The following ORC3 variants were observed in gnomAD, a reference collection of about 807,000 sequenced individuals.
ORC3 encodes origin recognition complex subunit 3.
ORC3 carries 78 observed loss-of-function variants against 100.7 expected under a neutral mutation model. The ratio of observed to expected loss-of-function variants is 0.77; its 90% CI spans 0.65 to 0.94. The LOEUF (loss-of-function observed/expected upper bound fraction) is 0.94, where lower values mean the gene tolerates loss of function less well. Among genes scored for constraint, ORC3 ranks in the 40% least tolerant of loss-of-function variants. The probability of loss-of-function intolerance (pLI) is 0.00; values close to 1 mark genes in which losing one functional copy is unlikely to be tolerated. For synonymous variants in ORC3, 295 were observed against 289.3 expected, an observed-to-expected ratio of 1.02 and a Z score of -0.20; for missense variants, 789 against 823.9, an observed-to-expected ratio of 0.96 and a Z score of 0.52.
rs1186639869 is a variant in ORC3 at position 87,600,732 on chromosome 6, T to C, written c.80-1052T>C. ...AGCGGGAGAAGGATGGATTGTACAA[T>C]AAAGGAGGGTTTTTCAAACCAAATG... On this transcript the variant is annotated intron_variant, in intron 2 of 19. Transcript: ENST00000392844. Among the ~76,000 whole-genome samples, 9 of 152,158 alleles carry C rather than the reference T, an allele frequency of 5.9e-5. No homozygotes were observed. The East Asian group carries it at 1.5e-3, about 26-fold the overall frequency.
At chr6:87,599,224 A>G (rs1322114207) in intron 2 of ORC3, among the ~76,000 whole-genome samples, 3 of 152,118 alleles carry the variant, frequency 2.0e-5, no homozygotes, top group African/African-American at 7.2e-5. Flanking sequence ...ATGCGGCATT[A>G]TTCTGCACAT....
intron 9 of ORC3, among the ~76,000 whole-genome samples, chr6:87,617,163 A>G (rs1311389820): frequency 6.6e-6 from 1 of 151,964 alleles, no homozygotes; most frequent in Non-Finnish European, 1.5e-5. Flanking sequence ...TTCTTTAATA[A>G]TCCTTTAAAG....
chr6:87,602,906 TA>T (rs1232989521), intron 3 of ORC3, among the ~76,000 whole-genome samples: 2 of 49,060 alleles, frequency 4.1e-5, no homozygotes, highest in African/African-American at 2.5e-4. Context: ...ATATATATAT[TA>T]TATATTATAT....
Position 87,603,478 on chromosome 6 carries a change from TG to T in ORC3, c.275del (p.Gly92AlafsTer4). 1 of 1,532,432 alleles carries T rather than the reference TG, an allele frequency of 6.5e-7. No individual in the cohort carries two copies. Among genetic ancestry groups the T allele is most frequent in the Non-Finnish European group, 8.9e-7 (1 of 1,122,888 alleles). The allele number at this position is 1,532,432 out of a possible 1,614,324, so 94.9% of individuals were successfully genotyped here. A position where few individuals can be genotyped will look rare whatever the true frequency, so the allele number is the denominator to read the frequency against. On this transcript the variant is annotated frameshift_variant, in exon 4 of 20. Coordinates refer to ENST00000392844, the MANE Select transcript of ORC3 (RefSeq NM_012381.4). LOFTEE classifies it high-confidence loss of function. Reference protein sequence around the residue: ...HSGFQKNSRDLGGQIKLREIP... With the variant: ...HSGFQKNSRDXGGQIKLREIP... The stretch of plus-strand genomic sequence containing the variant: ...GGATTCCAGAAGAATTCAAGAGACT[TG>T]GGCGGTCAAATAAAACTCAGAGAAA...
intron 16 of ORC3, among the ~76,000 whole-genome samples, chr6:87,659,026 G>A (rs893488369): frequency 7.1e-5 from 10 of 141,502 alleles, no homozygotes; most frequent in South Asian, 7.0e-4. Flanking sequence ...GTGGGGCGGG[G>A]GGGGGAGAAC....
chr6:87,666,344 C>A (rs6910592), intron 19 of ORC3, among the ~76,000 whole-genome samples: 2,181 of 151,270 alleles, frequency 0.014, 41 homozygotes, highest in African/African-American at 0.042. Flanking sequence ...GTTGGCCAGG[C>A]TGGTCTCGAA....
intron 13 of ORC3, chr6:87,650,940 G>A (rs1769210468): frequency 6.2e-6 from 2 of 324,278 alleles, no homozygotes. Flanking sequence ...CTGGGAGGCA[G>A]AGGTTGCGGT....
downstream of ORC3, among the ~76,000 whole-genome samples, chr6:87,671,788 CAGAG>C (rs1242176510): frequency 6.6e-6 from 1 of 152,114 alleles, no homozygotes; most frequent in Non-Finnish European, 1.5e-5. Context: ...CTAAGAGTAA[CAGAG>C]AGGAGACGAA....
intron 12 of ORC3, 150 bp downstream of exon 12, chr6:87,635,111 T>C: frequency 1.4e-6 from 1 of 714,868 alleles, no homozygotes; most frequent in Non-Finnish European, 2.5e-6. Flanking sequence ...CTGTAAACAT[T>C]ACTGGTAATT....
Position 87,667,183 on chromosome 6 carries a change from CAT to C in ORC3, c.*63_*64del. The C allele has an allele frequency of 1.1e-6, 1 of 947,230 alleles. No individual in the cohort carries two copies. The allele number at this position is 947,230 out of a possible 1,614,324, so 58.7% of individuals were successfully genotyped here. ...AGCTTAAGAGAAAAAGGTGACCAGT[CAT>C]ATTTACATATATTAGAGGAGCCTGT... On this transcript the variant is annotated 3_prime_UTR_variant, in exon 20 of 20. Coordinates refer to ENST00000392844, the MANE Select transcript of ORC3 (RefSeq NM_012381.4).
At chr6:87,624,201 A>G (rs1412233745) in intron 11 of ORC3, among the ~76,000 whole-genome samples, 2 of 151,612 alleles carry the variant, frequency 1.3e-5, no homozygotes, top group African/African-American at 4.9e-5. Context: ...TGAATGTTTT[A>G]GGCCAGGCAC....
At chr6:87,595,681 C>G (rs1562314689) in intron 2 of ORC3, among the ~76,000 whole-genome samples, 1 of 152,178 alleles carries the variant, frequency 6.6e-6, no homozygotes, top group Non-Finnish European at 1.5e-5. Context: ...TTTCATAAAA[C>G]AAATTTGTTA....
intron 13 of ORC3, among the ~76,000 whole-genome samples, chr6:87,641,802 C>T (rs1362199263): frequency 6.6e-6 from 1 of 152,190 alleles, no homozygotes; most frequent in African/African-American, 2.4e-5. Flanking sequence ...TTGATCACTT[C>T]AGCTTAGTTC....
Position 87,634,933 on chromosome 6 carries a change from C to G in ORC3, c.1274C>G (p.Ser425Cys), listed in dbSNP as rs1283364699. The part of the protein sequence containing the change: ...VLRCLHKFTS[S>C]LPKYPLGRQI... Reference sequence around the variant, plus strand: ...AGATGTCTTCATAAGTTCACCTCTTCTCTTCCCAAGTATCCACTAGGTCGA... The same window carrying G: ...AGATGTCTTCATAAGTTCACCTCTTGTCTTCCCAAGTATCCACTAGGTCGA... Residue 425 changes from serine (S) to cysteine (C), a missense_variant, in exon 12 of 20, where the codon TCT becomes TGT. This residue lies in a region of ORC3 where 366 missense variants were observed against 394.2 expected (regional missense o/e 0.93). Coordinates refer to ENST00000392844, the MANE Select transcript of ORC3 (RefSeq NM_012381.4). 2.5e-6 allele frequency: 4 copies of G among 1,590,400 alleles called. No homozygotes were observed. The highest frequency in any genetic ancestry group is 1.7e-4 in the Middle Eastern group (1 of 6,014).
intron 11 of ORC3, among the ~76,000 whole-genome samples, chr6:87,625,720 G>T (rs1034100082): frequency 1.3e-5 from 2 of 152,110 alleles, no homozygotes; most frequent in Admixed American, 6.6e-5. Flanking sequence ...GTCAATTTTG[G>T]CTTTTGTTGA....
At chr6:87,634,719 T>A (rs1368480352) in intron 11 of ORC3, 126 bp from the exon 12 acceptor site, 1 of 592,370 alleles carries the variant, frequency 1.7e-6, no homozygotes. Flanking sequence ...CAAATTTTCA[T>A]GAATTAATTT....
At chr6:87,591,540 G>A (rs1776958183) in intron 1 of ORC3, among the ~76,000 whole-genome samples, 1 of 152,108 alleles carries the variant, frequency 6.6e-6, no homozygotes, top group Non-Finnish European at 1.5e-5. Context: ...TGTAGGTTTT[G>A]AATGGTCTAT....
chr6:87,602,025 A>G, intron 3 of ORC3, 144 bp downstream of exon 3: 2 of 592,032 alleles, frequency 3.4e-6, no homozygotes, highest in Non-Finnish European at 6.1e-6. Flanking sequence ...TTAAAAAAAC[A>G]ACCATAATCC....
chr6:87,655,832 G>A (rs1181949655), intron 14 of ORC3, among the ~76,000 whole-genome samples: 1 of 151,972 alleles, frequency 6.6e-6, no homozygotes, highest in Non-Finnish European at 1.5e-5. Context: ...GGCATATTAG[G>A]TTTATTAACA....
Sources: gnomAD v4.1 joint callset for allele counts (sites outside exome capture counted in the v4.1 genomes callset) on GRCh38, gnomAD v4.1.1 for gene constraint, gnomAD v4.1.1 regional missense constraint, MANE v1.5 for transcripts, NCBI Gene and HGNC (gene_info 2026-07-23, HGNC 2026-07-21) for gene names.